AMN1: variants seen among roughly 807,000 people sequenced by gnomAD.
The protein encoded by AMN1 is protein AMN1 homolog.
A neutral mutation model predicts 33.0 loss-of-function variants in AMN1; 20 were observed. That is an observed-to-expected ratio of 0.61 (90% CI 0.43 to 0.88). AMN1 has a LOEUF of 0.88. Among genes scored for constraint, AMN1 ranks in the 40% least tolerant of loss-of-function variants. AMN1 has a pLI of 0.00. For synonymous variants in AMN1, 114 were observed against 111.9 expected (o/e 1.02, Z -0.12); for missense variants, 246 against 307.4 (o/e 0.80, Z 1.49).
chr12:31,701,861 A>T lies in AMN1; in HGVS notation c.316+2T>A. 1 of 1,594,562 alleles carries T rather than the reference A, an allele frequency of 6.3e-7. No individual in the cohort carries two copies. Among genetic ancestry groups the T allele is most frequent in the East Asian group, 2.2e-5 (1 of 44,632 alleles). ...CAATGTACTCAGTGTTAATAAACAT[A>T]CCTTCTGAAGTTACAGAAACTCGGT... On this transcript the variant is annotated splice_donor_variant, in intron 3 of 6. Coordinates refer to ENST00000281471, the MANE Select transcript of AMN1 (RefSeq NM_001113402.2). LOFTEE classifies it high-confidence loss of function.
At chr12:31,718,554 A>G (rs1180560758) in intron 1 of AMN1, among the ~76,000 whole-genome samples, 1 of 151,970 alleles carries the variant, frequency 6.6e-6, no homozygotes, top group African/African-American at 2.4e-5. Flanking sequence ...GGTTTTATCT[A>G]CCTTTGGTCT....
In AMN1 at chr12:31,711,306, T is replaced by C. The variant is rs1028936853; in HGVS notation, c.39-1881A>G. 7.2e-5 allele frequency among the ~76,000 whole-genome samples: 11 copies of C among 152,324 alleles called. 1 individual carries two copies. The highest frequency in any genetic ancestry group is 1.9e-4 in the East Asian group (1 of 5,194). On this transcript the variant is annotated intron_variant, in intron 1 of 6. Coordinates refer to ENST00000281471, the MANE Select transcript of AMN1 (RefSeq NM_001113402.2). ...GTTTAATGTGTATCCTTTCATTGTA[T>C]ATTTCCTTTTAACATGTTTATTGTA...
rs956386788 is a variant in AMN1, at chr12:31,687,512, G to A, written c.703+1495C>T. On this transcript the variant is annotated intron_variant, in intron 6 of 6. Coordinates refer to ENST00000281471, the MANE Select transcript of AMN1 (RefSeq NM_001113402.2). The surrounding 1 kb of genome is among the most constrained non-coding windows in gnomAD (Gnocchi z 4.1). ...GGCCTGACCAGTATGGTGATACCCC[G>A]TCTCTACTAAAAATACAAAAATTAG... Among the ~76,000 whole-genome samples, 1 of 151,792 alleles carries A rather than the reference G, an allele frequency of 6.6e-6. No homozygotes were observed. Among genetic ancestry groups the A allele is most frequent in the Non-Finnish European group, 1.5e-5 (1 of 67,944 alleles).
chr12:31,720,139 AGT>A (rs1317010916), intron 1 of AMN1, among the ~76,000 whole-genome samples: 1 of 152,258 alleles, frequency 6.6e-6, no homozygotes, highest in East Asian at 1.9e-4. Context: ...ATCATTTTAC[AGT>A]GTGCACTTCA....
rs988149122 is a variant in AMN1, at chr12:31,671,368, C to T, written c.*936G>A. On this transcript the variant is annotated 3_prime_UTR_variant, in exon 7 of 7. Transcript: ENST00000281471. ...TACAAGAAAGTTAGCATACTTACCC[C>T]GTTTTTCACTACATCAGAGGCAAAA... 3 of 152,076 alleles carry T rather than the reference C, an allele frequency of 2.0e-5. No individual in the cohort carries two copies. The highest frequency in any genetic ancestry group is 2.4e-5 in the African/African-American group (1 of 41,400). 9.4% of individuals were successfully genotyped at this position (152,076 alleles called of 1,614,324 possible).
At chr12:31,688,213 C>CA in intron 6 of AMN1, among the ~76,000 whole-genome samples, 1 of 152,296 alleles carries the variant, frequency 6.6e-6, no homozygotes. Context: ...CTTGGCCTCC[C>CA]AAAGTAATGG....
intron 1 of AMN1, among the ~76,000 whole-genome samples, chr12:31,717,247 T>C (rs1939712558): frequency 6.6e-6 from 1 of 152,190 alleles, no homozygotes; most frequent in East Asian, 1.9e-4. Flanking sequence ...GTCTTCCAGC[T>C]TTATCCATGT....
chr12:31,693,908 G>C (rs899051259), intron 5 of AMN1, among the ~76,000 whole-genome samples: 4 of 149,836 alleles, frequency 2.7e-5, no homozygotes, highest in Non-Finnish European at 5.9e-5. Flanking sequence ...TGAGCTCAAG[G>C]GATCCACTTG....
chr12:31,684,557 G>T (rs1938168395), intron 6 of AMN1, among the ~76,000 whole-genome samples: 1 of 151,452 alleles, frequency 6.6e-6, no homozygotes, highest in South Asian at 2.1e-4. Context: ...TGCAAGCTCG[G>T]CCTCCCAAGT....
chr12:31,690,932 G>C (rs565225472), intron 5 of AMN1, among the ~76,000 whole-genome samples: 12 of 152,142 alleles, frequency 7.9e-5, no homozygotes, highest in African/African-American at 2.2e-4. Flanking sequence ...TCAGGAGACC[G>C]AGACCATCCT....
At chr12:31,681,629 T>C (rs1039670944) in intron 6 of AMN1, among the ~76,000 whole-genome samples, 2 of 152,230 alleles carry the variant, frequency 1.3e-5, no homozygotes, top group Non-Finnish European at 2.9e-5. Flanking sequence ...ATTTATTCGA[T>C]GTTCTGGAGA....
chr12:31,714,470 A>T (rs932113737), intron 1 of AMN1: 1 of 152,142 alleles, frequency 6.6e-6, no homozygotes, highest in Non-Finnish European at 1.5e-5. Flanking sequence ...GGGACTACAG[A>T]CATGCACCAC....
chr12:31,724,306 G>A (rs920944969), intron 1 of AMN1, among the ~76,000 whole-genome samples: 1 of 152,144 alleles, frequency 6.6e-6, no homozygotes, highest in Non-Finnish European at 1.5e-5. Context: ...CTTGTGCTCT[G>A]GTGCAATTGT....
Position 31,688,989 on chromosome 12 carries a change from G to A in AMN1, c.703+18C>T, listed in dbSNP as rs778804462. 1 of 1,539,534 alleles carries A rather than the reference G, an allele frequency of 6.5e-7. No individual in the cohort carries two copies. The highest frequency in any genetic ancestry group is 9.0e-7 in the Non-Finnish European group (1 of 1,116,544). ...AGATGAAGCCAGAATTTGAACCCAAGCAATCTATTGCACTAACCTGTTATC... is the reference window on the plus strand; with the variant it reads ...AGATGAAGCCAGAATTTGAACCCAAACAATCTATTGCACTAACCTGTTATC... On this transcript the variant is annotated intron_variant, in intron 6 of 6. Coordinates refer to ENST00000281471, the MANE Select transcript of AMN1 (RefSeq NM_001113402.2).
intron 6 of AMN1, among the ~76,000 whole-genome samples, chr12:31,678,979 T>C (rs913982302): frequency 6.6e-6 from 1 of 152,104 alleles, no homozygotes; most frequent in Non-Finnish European, 1.5e-5. Flanking sequence ...CAGCTTTAAT[T>C]AAAGGGAAAC....
Position 31,693,058 on chromosome 12 carries a change from C to CT in AMN1, c.592-3941dup, listed in dbSNP as rs150940789. Reference sequence around the variant, plus strand: ...AAGTTTGTACTAAGTGCTTGTTGATCTTTTTTTCTTTAATTTTATAATTTT... The same window carrying CT: ...AAGTTTGTACTAAGTGCTTGTTGATCTTTTTTTTCTTTAATTTTATAATTTT... On this transcript the variant is annotated intron_variant, in intron 5 of 6. Transcript: ENST00000281471. Among the ~76,000 whole-genome samples, 1,267 of 152,164 alleles carry CT rather than the reference C, an allele frequency of 8.3e-3. 19 individuals are homozygous for CT. The highest frequency in any genetic ancestry group is 0.029 in the African/African-American group (1,194 of 41,528).
rs887059468 is a variant in AMN1, at chr12:31,722,381, G to A, written c.38+6590C>T. Among the ~76,000 whole-genome samples, 5 of 152,178 alleles carry A rather than the reference G, an allele frequency of 3.3e-5. No homozygotes were observed. In the East Asian group the frequency reaches 9.7e-4, roughly 29 times the overall value. On this transcript the variant is annotated intron_variant, in intron 1 of 6. Coordinates refer to ENST00000281471, the MANE Select transcript of AMN1 (RefSeq NM_001113402.2). ...GAGCCAATAAGTCAAGGTATTCAAC[G>A]GATATTTCACACCCCTTATCATCCT...
intron 5 of AMN1, 70 bp downstream of exon 5, chr12:31,697,291 G>A: frequency 7.2e-7 from 1 of 1,389,226 alleles, no homozygotes; most frequent in Non-Finnish European, 1.0e-6. Context: ...TTATCCGCTA[G>A]GTTTTAAACA....
At chr12:31,704,913 G>A (rs535090333) in intron 2 of AMN1, among the ~76,000 whole-genome samples, 1 of 152,214 alleles carries the variant, frequency 6.6e-6, no homozygotes, top group East Asian at 1.9e-4. Flanking sequence ...AAATGTGGAT[G>A]GTGGAAAAGT....
Sources: gnomAD v4.1 joint callset for allele counts (sites outside exome capture counted in the v4.1 genomes callset) on GRCh38, gnomAD v4.1.1 for gene constraint, Gnocchi (gnomAD v3.1) non-coding constraint, MANE v1.5 for transcripts, NCBI Gene and HGNC (gene_info 2026-07-23, HGNC 2026-07-21) for gene names.